The following TTF2 variants were observed in gnomAD, a reference collection of about 807,000 sequenced individuals.
TTF2 encodes RNA polymerase II termination factor.
Under a neutral mutation model 142.4 loss-of-function variants are expected in TTF2, and 108 were observed. That is an observed-to-expected ratio of 0.76 (90% CI 0.65 to 0.89). The LOEUF (loss-of-function observed/expected upper bound fraction) is 0.89. Ranked by LOEUF, TTF2 falls within the 40% of genes least tolerant of loss-of-function variation. The pLI, the probability that TTF2 is intolerant of heterozygous loss-of-function variation, is 0.00. For synonymous variants in TTF2, 483 were observed against 506.2 expected (o/e 0.95, Z 0.61); for missense variants, 1,327 against 1,379.8 (o/e 0.96, Z 0.61).
At position 117,076,278 on chromosome 1, in the gene TTF2, C is replaced by A. The variant is rs1295136182; in HGVS notation, c.1374C>A (p.Thr458=). 4 of 1,613,712 alleles carry A rather than the reference C, an allele frequency of 2.5e-6. No individual in the cohort carries two copies. Among genetic ancestry groups the A allele is most frequent in the Non-Finnish European group, 3.4e-6 (4 of 1,179,790 alleles). The change falls in exon 6 of 23, where the codon ACC becomes ACA. Residue 458 remains threonine (T), a synonymous_variant. Coordinates refer to ENST00000369466, the MANE Select transcript of TTF2 (RefSeq NM_003594.4). This position sits in a 1 kb window ranked among gnomAD's most constrained non-coding sequence, Gnocchi z 4.6. Reference sequence around the variant, plus strand: ...TGGAGGAAGTACTCAGTGGTCTTACCCTTTCCCCAGAGCAAGGTAAAGTGG... The same window carrying A: ...TGGAGGAAGTACTCAGTGGTCTTACACTTTCCCCAGAGCAAGGTAAAGTGG... ...QELEEVLSGL[T]LSPEQGTNEK... is the part of the protein sequence containing the mutation.
chr1:117,075,545 A>G lies in TTF2; in HGVS notation c.961A>G (p.Ser321Gly), dbSNP rs2101425639. 1.9e-6 allele frequency: 3 copies of G among 1,614,134 alleles called. No individual in the cohort carries two copies. Among genetic ancestry groups the G allele is most frequent in the Middle Eastern group, 1.6e-4 (1 of 6,062 alleles). ...TTTCCAAGAGCGGCCGGAGACCCAC[A>G]GTGTGCCTGCTCCTGGAGGACCAGC... is the stretch of plus-strand genomic sequence containing the variant. ...GHFQERPETH[S>G]VPAPGGPAAQ... Residue 321 changes from serine (S) to glycine (G), a missense_variant, in exon 5 of 23, where the codon AGT becomes GGT. Ser to Gly is a moderately conservative substitution (Grantham distance 56). Coordinates refer to ENST00000369466, the MANE Select transcript of TTF2 (RefSeq NM_003594.4). The surrounding 1 kb of genome is among the most constrained non-coding windows in gnomAD (Gnocchi z 4.5).
intron 3 of TTF2, among the ~76,000 whole-genome samples, chr1:117,072,168 G>A (rs923912681): frequency 2.0e-5 from 3 of 152,162 alleles, no homozygotes; most frequent in African/African-American, 4.8e-5. Context: ...GTGTTTGTGT[G>A]TGCAGGAACT....
chr1:117,065,987 C>A (rs1320039153), intron 3 of TTF2, among the ~76,000 whole-genome samples: 1 of 126,702 alleles, frequency 7.9e-6, no homozygotes, highest in Non-Finnish European at 1.6e-5. Context: ...CCACTATATA[C>A]CTTTTTTTTT....
In TTF2 at chr1:117,087,911, T is replaced by C. The variant is rs3767763; in HGVS notation, c.2161-890T>C. ...TAGCACTTTGTTTCTTCAGCAGACG[T>C]TGAGTATCCACTATGGGTCAGGTGC... is the stretch of plus-strand genomic sequence containing the variant. On this transcript the variant is annotated intron_variant, in intron 12 of 22. Coordinates refer to ENST00000369466, the MANE Select transcript of TTF2 (RefSeq NM_003594.4). The surrounding 1 kb of genome is among the most constrained non-coding windows in gnomAD (Gnocchi z 4.8). Among the ~76,000 whole-genome samples the C allele has an allele frequency of 0.05, 7,592 of 152,272 alleles. 261 individuals are homozygous for C. The highest frequency in any genetic ancestry group is 0.12 in the East Asian group (636 of 5,170).
chr1:117,070,032 C>T lies in TTF2; in HGVS notation c.219-3629C>T, dbSNP rs1005441545. Among the ~76,000 whole-genome samples, 10 of 152,142 alleles carry T rather than the reference C, an allele frequency of 6.6e-5. No individual in the cohort carries two copies. Among genetic ancestry groups the T allele is most frequent in the East Asian group, 3.8e-4 (2 of 5,200 alleles). Reference sequence around the variant, plus strand: ...TTTGTTGATTTACAATATAATAAAACGTAACAAACAAACTTATTATCCTAA... The same window carrying T: ...TTTGTTGATTTACAATATAATAAAATGTAACAAACAAACTTATTATCCTAA... On this transcript the variant is annotated intron_variant, in intron 3 of 22. Coordinates refer to ENST00000369466, the MANE Select transcript of TTF2 (RefSeq NM_003594.4). The surrounding 1 kb of genome is among the most constrained non-coding windows in gnomAD (Gnocchi z 4.2).
intron 3 of TTF2, among the ~76,000 whole-genome samples, chr1:117,066,813 G>A (rs776163658): frequency 1.9e-4 from 29 of 149,660 alleles, no homozygotes; most frequent in Non-Finnish European, 3.1e-4. Flanking sequence ...GGTGATTCTC[G>A]TGTCTCAGCC....
intron 2 of TTF2, among the ~76,000 whole-genome samples, chr1:117,061,235 A>T (rs1309442505): frequency 7.9e-6 from 1 of 125,832 alleles, no homozygotes; most frequent in Non-Finnish European, 1.6e-5. Flanking sequence ...ACGAAAAATT[A>T]AAAAAAATTG....
intron 4 of TTF2, among the ~76,000 whole-genome samples, chr1:117,074,183 T>C (rs1656804592): frequency 6.6e-6 from 1 of 152,162 alleles, no homozygotes; most frequent in Admixed American, 6.5e-5. Context: ...ATAAGACTTG[T>C]TTTGGCAGAG....
At position 117,097,366 on chromosome 1, in the gene TTF2, C is replaced by G. The variant is rs142088331; in HGVS notation, c.3202C>G (p.Leu1068Val). 2 of 1,614,012 alleles carry G rather than the reference C, an allele frequency of 1.2e-6. No individual in the cohort carries two copies. The highest frequency in any genetic ancestry group is 1.3e-5 in the African/African-American group (1 of 74,908). ...CCTTTTGAAGGTAATGCTAATCTCT[C>G]TCTTGGCCGGAGGTGTTGGTCTAAA... Reference protein sequence around the residue: ...SRGPQVMLISLLAGGVGLNLT... With the variant: ...SRGPQVMLISVLAGGVGLNLT... Residue 1068 changes from leucine (L) to valine (V), a missense_variant, in exon 21 of 23, where the codon CTC becomes GTC. Transcript: ENST00000369466. This position sits in a 1 kb window ranked among gnomAD's most constrained non-coding sequence, Gnocchi z 4.1.
intron 3 of TTF2, among the ~76,000 whole-genome samples, chr1:117,064,350 A>AT (rs1553192995): frequency 1.1e-4 from 16 of 150,644 alleles, no homozygotes; most frequent in East Asian, 5.8e-4. Flanking sequence ...ACAAAAAAAA[A>AT]TTAGCTGGGC....
At chr1:117,091,639 T>C (rs944832700) in intron 16 of TTF2, among the ~76,000 whole-genome samples, 178 bp from the exon 17 acceptor site, 1 of 152,188 alleles carries the variant, frequency 6.6e-6, no homozygotes, top group African/African-American at 2.4e-5. Flanking sequence ...GGTAGTTCTA[T>C]AAGGAAAAAC....
rs376313254 is a variant in TTF2 at position 117,090,650 on chromosome 1, C to T, written c.2588+27C>T. The T allele has an allele frequency of 6.4e-7, 1 of 1,564,508 alleles. No individual in the cohort carries two copies. The highest frequency in any genetic ancestry group is 1.4e-5 in the African/African-American group (1 of 73,594). On this transcript the variant is annotated intron_variant, in intron 15 of 22. Coordinates refer to ENST00000369466, the MANE Select transcript of TTF2 (RefSeq NM_003594.4). The surrounding 1 kb of genome is among the most constrained non-coding windows in gnomAD (Gnocchi z 4.8). Reference sequence around the variant, plus strand: ...TGTGTGTATTAAAGAAGCACCTTCTCACACACATTGTTTTATTCCTGTCTT... The same window carrying T: ...TGTGTGTATTAAAGAAGCACCTTCTTACACACATTGTTTTATTCCTGTCTT...
chr1:117,074,944 C>T lies in TTF2; in HGVS notation c.360C>T (p.Asn120=). 6.2e-7 allele frequency: 1 copy of T among 1,613,716 alleles called. No homozygotes were observed. The highest frequency in any genetic ancestry group is 8.5e-7 in the Non-Finnish European group (1 of 1,179,954). ...HASETFHHSS[N]WLRNPFKVLD... The stretch of plus-strand genomic sequence containing the variant: ...CTGAGACATTTCATCATTCTTCCAA[C>T]TGGCTGAGAAATCCATTCAAGGTAC... Residue 120 remains asparagine, a synonymous_variant, in exon 5 of 23, where the codon AAC becomes AAT. Transcript: ENST00000369466.
rs1410747059 is a variant in TTF2 at position 117,102,220 on chromosome 1, C to G, written c.*696C>G. The G allele has an allele frequency of 2.6e-5, 4 of 152,338 alleles. No individual in the cohort carries two copies. The highest frequency in any genetic ancestry group is 3.9e-4 in the East Asian group (2 of 5,186). 9.4% of individuals were successfully genotyped at this position (152,338 alleles called of 1,614,324 possible). ...TGATGATGGGAGAACCAGTTACTAC[C>G]TTCTCTAACACAGGCTCCATCCTAT... is the stretch of plus-strand genomic sequence containing the variant. On this transcript the variant is annotated 3_prime_UTR_variant, in exon 23 of 23. Transcript: ENST00000369466.
rs1456133278 is a variant in TTF2 at position 117,093,546 on chromosome 1, T to C, written c.2976+645T>C. On this transcript the variant is annotated intron_variant, in intron 18 of 22. Transcript: ENST00000369466. This position sits in a 1 kb window ranked among gnomAD's most constrained non-coding sequence, Gnocchi z 4.5. ...CAAGCTGCCGTTCTTGGGCTCAACC[T>C]CTCTTCAAAGGCTTTTTTTGAAAAA... Among the ~76,000 whole-genome samples the C allele has an allele frequency of 6.6e-6, 1 of 152,132 alleles. No individual in the cohort carries two copies. Among genetic ancestry groups the C allele is most frequent in the Non-Finnish European group, 1.5e-5 (1 of 68,016 alleles).
intron 18 of TTF2, chr1:117,094,570 C>T (rs1557829762): frequency 4.3e-6 from 2 of 470,318 alleles, no homozygotes; most frequent in Non-Finnish European, 4.4e-6. Context: ...TCCGTCTGGA[C>T]AGGTCCTTTT....
intron 3 of TTF2, among the ~76,000 whole-genome samples, chr1:117,069,899 A>G (rs144053726): frequency 1.3e-3 from 202 of 152,316 alleles, no homozygotes; most frequent in African/African-American, 4.6e-3. Context: ...TATTGCCTAT[A>G]ACCTCTGTCC....
rs373766899 is a variant in TTF2, at chr1:117,075,894, G to A, written c.1275+35G>A. On this transcript the variant is annotated intron_variant, in intron 5 of 22. Transcript: ENST00000369466. This position sits in a 1 kb window ranked among gnomAD's most constrained non-coding sequence, Gnocchi z 4.5. ...GACTCGTGTTTTGTTTCTGAGGTCA[G>A]AGCATTGCTTGTTATGGGCAGATAT... 4.0e-5 allele frequency: 63 copies of A among 1,565,484 alleles called. No individual in the cohort carries two copies. Among genetic ancestry groups the A allele is most frequent in the South Asian group, 1.3e-4 (11 of 81,790 alleles).
At chr1:117,062,624 C>T in intron 3 of TTF2, 151 bp downstream of exon 3, 6 of 593,936 alleles carry the variant, frequency 1.0e-5, no homozygotes, top group Non-Finnish European at 1.7e-5. Flanking sequence ...TTGGCTGTCA[C>T]TACCTAAATA....
Sources: gnomAD v4.1 joint callset for allele counts (sites outside exome capture counted in the v4.1 genomes callset) on GRCh38, gnomAD v4.1.1 for gene constraint, Gnocchi (gnomAD v3.1) non-coding constraint, MANE v1.5 for transcripts, NCBI Gene and HGNC (gene_info 2026-07-23, HGNC 2026-07-21) for gene names.